Variants in TUSC3 observed in about 807,000 individuals in gnomAD.
The protein encoded by TUSC3 is dolichyl-diphosphooligosaccharide--protein glycosyltransferase subunit TUSC3.
TUSC3 carries 45 observed loss-of-function variants against 44.8 expected under a neutral mutation model. The ratio of observed to expected loss-of-function variants is 1.00; its 90% CI spans 0.79 to 1.29. The LOEUF (loss-of-function observed/expected upper bound fraction) is 1.29, where lower values mean the gene tolerates loss of function less well. TUSC3 is among the 50% of genes most tolerant of loss of function. TUSC3 has a pLI of 0.00. For missense variants in TUSC3, 519 were observed against 437.9 expected (o/e 1.19, Z -1.65); for synonymous variants, 212 against 152.9 (o/e 1.39, Z -2.85).
chr8:15,664,207 A>G (rs939805177), intron 5 of TUSC3, among the ~76,000 whole-genome samples: 2 of 151,736 alleles, frequency 1.3e-5, no homozygotes, highest in Non-Finnish European at 3.0e-5. Flanking sequence ...CTAGAATGTG[A>G]TTGAACTGAG....
chr8:15,527,310 A>G (rs952034599), intron 2 of TUSC3, among the ~76,000 whole-genome samples: 1 of 152,116 alleles, frequency 6.6e-6, no homozygotes, highest in Admixed American at 6.6e-5. Flanking sequence ...TCCGCCTCCC[A>G]GGTTTAAGTG....
At chr8:15,630,023 T>C (rs1343596473) in intron 2 of TUSC3, among the ~76,000 whole-genome samples, 1 of 148,508 alleles carries the variant, frequency 6.7e-6, no homozygotes, top group African/African-American at 2.5e-5. Flanking sequence ...ACTTTTTTTT[T>C]AAATCAAATT....
chr8:15,735,209 T>A (rs1224964054), intron 7 of TUSC3, among the ~76,000 whole-genome samples: 2 of 152,144 alleles, frequency 1.3e-5, no homozygotes, highest in East Asian at 3.9e-4. Flanking sequence ...TCGTTCTGGC[T>A]GCTGGCAATG....
At chr8:15,527,617 C>T (rs543576935) in intron 2 of TUSC3, among the ~76,000 whole-genome samples, 9 of 152,102 alleles carry the variant, frequency 5.9e-5, no homozygotes, top group Admixed American at 2.0e-4. Context: ...GTTGACCAGG[C>T]TGTTCTGAAA....
At chr8:15,655,902 T>C (rs951957383) in intron 3 of TUSC3, among the ~76,000 whole-genome samples, 5 of 152,094 alleles carry the variant, frequency 3.3e-5, no homozygotes, top group African/African-American at 1.2e-4. Flanking sequence ...CTAAATTCTG[T>C]AGAAATAATT....
intron 1 of TUSC3, among the ~76,000 whole-genome samples, chr8:15,467,446 C>A (rs555835751): frequency 6.6e-6 from 1 of 152,204 alleles, no homozygotes; most frequent in South Asian, 2.1e-4. Flanking sequence ...ATACATACTG[C>A]CTTAGAGTAT....
chr8:15,530,472 G>C (rs1191438460), intron 2 of TUSC3, among the ~76,000 whole-genome samples: 1 of 152,080 alleles, frequency 6.6e-6, no homozygotes, highest in South Asian at 2.1e-4. Context: ...CATCTTCATG[G>C]TACCATTATT....
intron 1 of TUSC3, among the ~76,000 whole-genome samples, chr8:15,585,397 GAAGT>G (rs1472969390): frequency 1.3e-5 from 2 of 152,190 alleles, no homozygotes; most frequent in African/African-American, 2.4e-5. Context: ...ATGACCTAGA[GAAGT>G]AAGAAACGTG....
At chr8:15,628,802 C>A (rs888222846) in intron 2 of TUSC3, among the ~76,000 whole-genome samples, 1 of 152,144 alleles carries the variant, frequency 6.6e-6, no homozygotes, top group African/African-American at 2.4e-5. Context: ...TAGTACTGAG[C>A]AATTTAGTAG....
chr8:15,808,314 C>T, the TUSC3 span, among the ~76,000 whole-genome samples: 1 of 152,040 alleles, frequency 6.6e-6, no homozygotes, highest in African/African-American at 2.4e-5. Flanking sequence ...ATATATTAAA[C>T]ATAAAAAGAA....
At position 15,723,343 on chromosome 8, in the gene TUSC3, A is replaced by C. The variant is rs776976780; in HGVS notation, c.799-7323A>C. Reference sequence around the variant, plus strand: ...CAGAGACAAAATTCTTTGAGTGGCAAGTAATCAAGATTTGTCACTGTTTTC... The same window carrying C: ...CAGAGACAAAATTCTTTGAGTGGCACGTAATCAAGATTTGTCACTGTTTTC... On this transcript the variant is annotated intron_variant, in intron 6 of 10. Coordinates refer to ENST00000503731, the MANE Select transcript of TUSC3 (RefSeq NM_006765.4). Among the ~76,000 whole-genome samples, 5 of 152,270 alleles carry C rather than the reference A, an allele frequency of 3.3e-5. No homozygotes were observed. In the South Asian group the frequency reaches 8.3e-4, roughly 25 times the overall value.
chr8:15,497,237 G>A (rs1431761653), intron 2 of TUSC3, among the ~76,000 whole-genome samples: 1 of 152,174 alleles, frequency 6.6e-6, no homozygotes, highest in Non-Finnish European at 1.5e-5. Context: ...GGCATTTAGA[G>A]TGTTAGCGTC....
At chr8:15,507,253 G>A (rs1364903923) in intron 2 of TUSC3, among the ~76,000 whole-genome samples, 3 of 152,036 alleles carry the variant, frequency 2.0e-5, no homozygotes, top group Admixed American at 2.0e-4. Context: ...TTAAAAACAT[G>A]GTTTGTCCTG....
chr8:15,741,827 T>G (rs1292517688), intron 7 of TUSC3, among the ~76,000 whole-genome samples: 1 of 152,162 alleles, frequency 6.6e-6, no homozygotes, highest in Non-Finnish European at 1.5e-5. Context: ...AAAAAATGAT[T>G]AAAGGGGAAA....
At chr8:15,487,150 T>G (rs1019383963) in intron 2 of TUSC3, among the ~76,000 whole-genome samples, 4 of 152,230 alleles carry the variant, frequency 2.6e-5, no homozygotes, top group Admixed American at 2.0e-4. Flanking sequence ...TTGTTTAGTT[T>G]TATTGTGTTT....
rs1298972399 is a variant in TUSC3, at chr8:15,765,708, T to C, written c.*1552T>C. On this transcript the variant is annotated 3_prime_UTR_variant, in exon 11 of 11. Coordinates refer to ENST00000503731, the MANE Select transcript of TUSC3 (RefSeq NM_006765.4). ...ACATAAATTCTCCTAGTTCATGTACTTAGATGAATAAATTTAGTTTTGGAA... is the reference window on the plus strand; with the variant it reads ...ACATAAATTCTCCTAGTTCATGTACCTAGATGAATAAATTTAGTTTTGGAA... 6.6e-6 allele frequency: 1 copy of C among 152,048 alleles called. No individual in the cohort carries two copies. Among genetic ancestry groups the C allele is most frequent in the Admixed American group, 6.6e-5 (1 of 15,240 alleles). 9.4% of individuals were successfully genotyped at this position (152,048 alleles called of 1,614,324 possible).
At chr8:15,524,708 A>C (rs1367005908) in intron 2 of TUSC3, among the ~76,000 whole-genome samples, 1 of 152,134 alleles carries the variant, frequency 6.6e-6, no homozygotes, top group African/African-American at 2.4e-5. Context: ...AGACACCCAA[A>C]CCTAAAGTTC....
At chr8:15,507,878 A>G (rs919925851) in intron 2 of TUSC3, among the ~76,000 whole-genome samples, 1 of 152,164 alleles carries the variant, frequency 6.6e-6, no homozygotes, top group African/African-American at 2.4e-5. Context: ...GTCAGATGGA[A>G]AGGAGTGAAG....
At chr8:15,443,031 C>T (rs1409920508) in intron 1 of TUSC3, among the ~76,000 whole-genome samples, 1 of 152,188 alleles carries the variant, frequency 6.6e-6, no homozygotes, top group Non-Finnish European at 1.5e-5. Flanking sequence ...CCCTTCACTC[C>T]ACTGTGGGCT....
Sources: gnomAD v4.1 joint callset for allele counts (sites outside exome capture counted in the v4.1 genomes callset) on GRCh38, gnomAD v4.1.1 for gene constraint, MANE v1.5 for transcripts, NCBI Gene and HGNC (gene_info 2026-07-23, HGNC 2026-07-21) for gene names.